HORMAD1: variants seen among roughly 807,000 people sequenced by gnomAD.
HORMAD1 encodes HORMA domain-containing protein 1.
In HORMAD1, 33 loss-of-function variants were observed where a neutral mutation model predicts 58.2. The observed-to-expected ratio is 0.57, with a 90% CI of 0.43 to 0.76. The LOEUF (loss-of-function observed/expected upper bound fraction) is 0.76, where lower values mean the gene tolerates loss of function less well. Ranked by LOEUF, HORMAD1 falls within the 30% of genes least tolerant of loss-of-function variation. The pLI, the probability that HORMAD1 is intolerant of heterozygous loss-of-function variation, is 0.00. For synonymous variants in HORMAD1, 137 were observed against 144.6 expected, an observed-to-expected ratio of 0.95 and a Z score of 0.38; for missense variants, 363 against 462.0, an observed-to-expected ratio of 0.79 and a Z score of 1.96.
intron 3 of HORMAD1, 86 bp from the exon 4 acceptor site, chr1:150,714,764 T>C: frequency 1.8e-6 from 1 of 552,276 alleles, no homozygotes; most frequent in Non-Finnish European, 3.2e-6. Context: ...TCTTCTGCTG[T>C]GTATTACAGG....
intron 2 of HORMAD1, among the ~76,000 whole-genome samples, chr1:150,717,508 A>AT (rs140527786): frequency 0.37 from 55,652 of 149,502 alleles, 10,393 homozygotes; most frequent in South Asian, 0.54. Context: ...AAATCTTTTA[A>AT]TTTTTTTTTT....
At chr1:150,702,370 T>G (rs771458606) in intron 13 of HORMAD1, among the ~76,000 whole-genome samples, 2 of 152,156 alleles carry the variant, frequency 1.3e-5, no homozygotes, top group African/African-American at 2.4e-5. Flanking sequence ...GTGGTGATTC[T>G]TCAAAGATCT....
intron 9 of HORMAD1, among the ~76,000 whole-genome samples, chr1:150,707,272 A>T (rs1053876912): frequency 1.3e-5 from 2 of 152,234 alleles, no homozygotes; most frequent in African/African-American, 4.8e-5. Flanking sequence ...AAAATTTCTT[A>T]AAAAACACAA....
intron 3 of HORMAD1, among the ~76,000 whole-genome samples, chr1:150,716,398 G>C (rs896174031): frequency 6.6e-6 from 1 of 151,392 alleles, no homozygotes; most frequent in South Asian, 2.1e-4. Context: ...TTGACTTTGT[G>C]ATCCGCCCGC....
Position 150,703,320 on chromosome 1 carries a change from TGAAA to T in HORMAD1, c.1018_1021del (p.Phe340ArgfsTer11), listed in dbSNP as rs779930561. The T allele has an allele frequency of 4.5e-6, 7 of 1,541,594 alleles. No homozygotes were observed. The African/African-American group carries it at 6.9e-5, about 15-fold the overall frequency. On this transcript the variant is annotated frameshift_variant, in exon 13 of 15. Transcript: ENST00000361824. LOFTEE classifies it high-confidence loss of function. ...TAAAGAGATATTTACCATTTTATTC[TGAAA>T]GACTTTTCCACTTCTTGTTTTGCTT...
rs1055390488 is a variant in HORMAD1 at position 150,711,536 on chromosome 1, C to A, written c.327+9G>T. On this transcript the variant is annotated intron_variant, in intron 7 of 14. Transcript: ENST00000361824. ...CATTATGTTTCTTTAGTAACTCAAGCACACTTACCTGAGGATCTTCTGGGT... is the reference window on the plus strand; with the variant it reads ...CATTATGTTTCTTTAGTAACTCAAGAACACTTACCTGAGGATCTTCTGGGT... The A allele has an allele frequency of 2.5e-6, 4 of 1,588,750 alleles. No homozygotes were observed. Among genetic ancestry groups the A allele is most frequent in the Non-Finnish European group, 3.5e-6 (4 of 1,157,942 alleles).
intron 2 of HORMAD1, among the ~76,000 whole-genome samples, chr1:150,718,301 A>G (rs766289742): frequency 6.6e-6 from 1 of 151,458 alleles, no homozygotes; most frequent in African/African-American, 2.4e-5. Flanking sequence ...CACAACCTCT[A>G]AAGTAGCTGA....
chr1:150,708,524 G>T, intron 8 of HORMAD1, 117 bp from the exon 9 acceptor site: 2 of 582,788 alleles, frequency 3.4e-6, no homozygotes, highest in Non-Finnish European at 5.6e-6. Context: ...CTGTTAACTT[G>T]AAAGTTACCA....
intron 2 of HORMAD1, among the ~76,000 whole-genome samples, chr1:150,718,226 C>T (rs587737794): frequency 1.3e-5 from 2 of 152,220 alleles, no homozygotes; most frequent in African/African-American, 2.4e-5. Context: ...TCCCATCCCA[C>T]GTCCTACCCA....
In HORMAD1 at chr1:150,709,284, T is replaced by C. The variant is rs934051714; in HGVS notation, c.328-323A>G. Among the ~76,000 whole-genome samples the C allele has an allele frequency of 1.1e-3, 163 of 152,304 alleles. 1 individual carries two copies. Among genetic ancestry groups the C allele is most frequent in the Non-Finnish European group, 1.0e-3 (70 of 68,022 alleles). On this transcript the variant is annotated intron_variant, in intron 7 of 14. Transcript: ENST00000361824. ...TGAAAAAGACTTGTACTTTAAATAATTGCTTTGCTGAGATGTTGTTAATTT... is the reference window on the plus strand; with the variant it reads ...TGAAAAAGACTTGTACTTTAAATAACTGCTTTGCTGAGATGTTGTTAATTT...
At chr1:150,708,004 TAAGTG>T (rs587705611) in intron 9 of HORMAD1, among the ~76,000 whole-genome samples, 169 of 152,316 alleles carry the variant, frequency 1.1e-3, no homozygotes, top group Middle Eastern at 6.8e-3. Context: ...ACCAATCTGA[TAAGTG>T]AAAACTGTTA....
At position 150,706,571 on chromosome 1, in the gene HORMAD1, T is replaced by C. The variant is rs1280743825; in HGVS notation, c.786A>G (p.Glu262=). The C allele has an allele frequency of 1.2e-6, 2 of 1,607,536 alleles. No homozygotes were observed. The highest frequency in any genetic ancestry group is 1.7e-6 in the Non-Finnish European group (2 of 1,175,054). The change falls in exon 10 of 15, where the codon GAA becomes GAG. Residue 262 remains glutamate (E), a synonymous_variant. Coordinates refer to ENST00000361824, the MANE Select transcript of HORMAD1 (RefSeq NM_032132.5). ...KILRDKDVED[E]QEHYTSDDLD... is the part of the protein sequence containing the mutation. ...CACTTACACTTGTATAATGCTCCTGTTCATCTTCTACATCTTTGTCCCTCA... is the reference window on the plus strand; with the variant it reads ...CACTTACACTTGTATAATGCTCCTGCTCATCTTCTACATCTTTGTCCCTCA...
Position 150,698,613 on chromosome 1 carries a change from G to T in HORMAD1, c.*41C>A. 9.6e-7 allele frequency: 1 copy of T among 1,041,508 alleles called. No homozygotes were observed. The highest frequency in any genetic ancestry group is 1.5e-6 in the Non-Finnish European group (1 of 675,010). 64.5% of individuals were successfully genotyped at this position (1,041,508 alleles called of 1,614,324 possible). On this transcript the variant is annotated 3_prime_UTR_variant, in exon 15 of 15. Transcript: ENST00000361824. ...TAATATAGGGTCCTTCAGTTTAAAT[G>T]GTGAGAAGAACTCTGCAAGCCTGCA...
chr1:150,720,267 T>C (rs192331683), intron 1 of HORMAD1, among the ~76,000 whole-genome samples: 254 of 152,298 alleles, frequency 1.7e-3, no homozygotes, highest in African/African-American at 5.9e-3. Flanking sequence ...ACACGGGGTT[T>C]CACCATGTTG....
At chr1:150,717,324 T>C (rs765732250) in intron 2 of HORMAD1, 42 bp from the exon 3 acceptor site, 1 of 1,309,710 alleles carries the variant, frequency 7.6e-7, no homozygotes, top group East Asian at 2.5e-5. Flanking sequence ...TTAAATTTAT[T>C]AAAAATAAAG....
chr1:150,706,882 C>A (rs11586422), intron 9 of HORMAD1, 73 bp from the exon 10 acceptor site: 167 of 1,247,836 alleles, frequency 1.3e-4, no homozygotes, highest in Middle Eastern at 8.1e-4. Flanking sequence ...TAAAAACACA[C>A]GCAGATTGCA....
intron 5 of HORMAD1, among the ~76,000 whole-genome samples, chr1:150,712,945 G>A (rs138267762): frequency 6.6e-6 from 1 of 152,236 alleles, no homozygotes; most frequent in African/African-American, 2.4e-5. Context: ...GAGTGCTCTG[G>A]CCCTGCTTAT....
intron 9 of HORMAD1, 141 bp downstream of exon 9, chr1:150,708,115 C>A (rs1199416041): frequency 3.6e-6 from 2 of 557,324 alleles, no homozygotes; most frequent in Non-Finnish European, 3.0e-6. Flanking sequence ...GTAAATCTTT[C>A]TTTCTTGAAT....
intron 12 of HORMAD1, 147 bp downstream of exon 12, chr1:150,703,971 T>C (rs1247542453): frequency 3.5e-6 from 2 of 575,704 alleles, no homozygotes; most frequent in African/African-American, 2.0e-5. Flanking sequence ...ACATATAATT[T>C]CCAGATTTAG....
Sources: gnomAD v4.1 joint callset for allele counts (sites outside exome capture counted in the v4.1 genomes callset) on GRCh38, gnomAD v4.1.1 for gene constraint, MANE v1.5 for transcripts, NCBI Gene and HGNC (gene_info 2026-07-23, HGNC 2026-07-21) for gene names.